Variants in SLC44A5 observed in about 807,000 individuals in gnomAD.
SLC44A5 encodes the protein choline transporter-like protein 5.
In SLC44A5, 57 loss-of-function variants were observed where a neutral mutation model predicts 101.8. The ratio of observed to expected loss-of-function variants is 0.56; its 90% CI spans 0.45 to 0.70. The LOEUF (loss-of-function observed/expected upper bound fraction) is 0.70. Among genes scored for constraint, SLC44A5 ranks in the 30% least tolerant of loss-of-function variants. The pLI is 0.00. For missense variants in SLC44A5, 737 were observed against 853.1 expected (o/e 0.86, Z 1.70); for synonymous variants, 281 against 290.9 (o/e 0.97, Z 0.35).
intron 5 of SLC44A5, among the ~76,000 whole-genome samples, chr1:75,285,313 T>C (rs1652950238): frequency 6.6e-6 from 1 of 152,122 alleles, no homozygotes; most frequent in Admixed American, 6.6e-5. Context: ...AAATAATCTT[T>C]TGTATTTCTG....
At chr1:75,461,115 A>T (rs1557808305) in intron 2 of SLC44A5, among the ~76,000 whole-genome samples, 1 of 152,192 alleles carries the variant, frequency 6.6e-6, no homozygotes, top group Non-Finnish European at 1.5e-5. Flanking sequence ...GTCATGCACC[A>T]TTTACAAGAA....
At chr1:75,421,100 G>A (rs1663977127) in intron 2 of SLC44A5, among the ~76,000 whole-genome samples, 1 of 151,960 alleles carries the variant, frequency 6.6e-6, no homozygotes, top group Non-Finnish European at 1.5e-5. Flanking sequence ...TTATAATATG[G>A]TCCACTTCAA....
chr1:75,218,031 T>A, intron 17 of SLC44A5, 71 bp from the exon 18 acceptor site: 1 of 1,026,012 alleles, frequency 9.7e-7, no homozygotes, highest in South Asian at 1.4e-5. Flanking sequence ...ATTGAATAAT[T>A]TTCACAAGTA....
intron 2 of SLC44A5, among the ~76,000 whole-genome samples, chr1:75,535,662 A>G (rs1042423954): frequency 6.6e-6 from 1 of 152,206 alleles, no homozygotes; most frequent in Non-Finnish European, 1.5e-5. Flanking sequence ...ACTTCTAGAA[A>G]GTAGACTAGT....
intron 2 of SLC44A5, among the ~76,000 whole-genome samples, chr1:75,523,666 G>C (rs532278503): frequency 1.3e-5 from 2 of 152,294 alleles, no homozygotes; most frequent in African/African-American, 4.8e-5. Flanking sequence ...AGACAAATAA[G>C]CTAGATGTGA....
the SLC44A5 span, among the ~76,000 whole-genome samples, chr1:75,679,093 C>T: frequency 3.9e-5 from 6 of 152,082 alleles, no homozygotes; most frequent in Non-Finnish European, 7.4e-5. Flanking sequence ...ACAAAGCCTC[C>T]AAGAAATATG....
intron 2 of SLC44A5, among the ~76,000 whole-genome samples, chr1:75,537,425 C>T (rs1014696271): frequency 3.9e-5 from 6 of 152,146 alleles, no homozygotes; most frequent in Middle Eastern, 3.2e-3. Context: ...TTTTGCTTAT[C>T]TGTCTTCTAG....
At chr1:75,493,965 C>A (rs1486921990) in intron 2 of SLC44A5, among the ~76,000 whole-genome samples, 1 of 152,168 alleles carries the variant, frequency 6.6e-6, no homozygotes, top group Non-Finnish European at 1.5e-5. Context: ...AATCTCTAGT[C>A]CTCTGGAAGC....
intron 5 of SLC44A5, among the ~76,000 whole-genome samples, chr1:75,295,001 G>T (rs1239813109): frequency 1.3e-5 from 2 of 152,076 alleles, no homozygotes; most frequent in African/African-American, 2.4e-5. Flanking sequence ...CTTGAAATTT[G>T]CTAAGAGAAT....
intron 1 of SLC44A5, among the ~76,000 whole-genome samples, chr1:75,609,565 G>A (rs1675531147): frequency 6.6e-6 from 1 of 151,874 alleles, no homozygotes; most frequent in South Asian, 2.1e-4. Flanking sequence ...TCTGATTTTT[G>A]GTTCGGTAGT....
At chr1:75,289,264 C>T (rs1337063505) in intron 5 of SLC44A5, among the ~76,000 whole-genome samples, 1 of 152,168 alleles carries the variant, frequency 6.6e-6, no homozygotes, top group Non-Finnish European at 1.5e-5. Context: ...TCTAAAATAC[C>T]TGTCAGAGAA....
At chr1:75,460,233 A>G (rs1156358824) in intron 2 of SLC44A5, among the ~76,000 whole-genome samples, 1 of 152,178 alleles carries the variant, frequency 6.6e-6, no homozygotes. Context: ...GAGAAGCCCT[A>G]TTTTAAAAGG....
intron 1 of SLC44A5, among the ~76,000 whole-genome samples, chr1:75,551,370 A>G (rs1339302336): frequency 6.6e-6 from 1 of 152,168 alleles, no homozygotes; most frequent in African/African-American, 2.4e-5. Flanking sequence ...CAATAACCGT[A>G]TGACAATTTT....
At chr1:75,611,260 C>T (rs1675644148), upstream of SLC44A5, 1 of 173,746 alleles carries the variant, frequency 5.8e-6, no homozygotes, top group African/African-American at 2.4e-5. Context: ...GGAGACTGAA[C>T]AAAGTCCTGG....
intron 4 of SLC44A5, among the ~76,000 whole-genome samples, chr1:75,323,640 A>G (rs1049810582): frequency 6.6e-6 from 1 of 152,222 alleles, no homozygotes; most frequent in Non-Finnish European, 1.5e-5. Flanking sequence ...CAACAAAAGT[A>G]TTAAATGATA....
intron 2 of SLC44A5, among the ~76,000 whole-genome samples, chr1:75,429,377 G>T (rs1203586513): frequency 6.6e-6 from 1 of 152,178 alleles, no homozygotes; most frequent in African/African-American, 2.4e-5. Flanking sequence ...TCCAGGGTCA[G>T]TATATCTGGA....
chr1:75,454,891 T>C (rs1399556108), intron 2 of SLC44A5, among the ~76,000 whole-genome samples: 1 of 151,996 alleles, frequency 6.6e-6, no homozygotes, highest in Non-Finnish European at 1.5e-5. Context: ...AGAGATATGA[T>C]GCAAAAACAT....
intron 3 of SLC44A5, among the ~76,000 whole-genome samples, chr1:75,350,057 A>C (rs1171874537): frequency 6.6e-6 from 1 of 152,088 alleles, no homozygotes; most frequent in Non-Finnish European, 1.5e-5. Context: ...GCCCTCCCAA[A>C]GTTTATATGT....
At chr1:75,536,392 G>C (rs1181336131) in intron 2 of SLC44A5, among the ~76,000 whole-genome samples, 1 of 151,736 alleles carries the variant, frequency 6.6e-6, no homozygotes, top group Admixed American at 6.6e-5. Context: ...GAGGTCAGGA[G>C]ATCGAGACCA....
Sources: allele counts gnomAD v4.1 joint callset (sites outside exome capture counted in the v4.1 genomes callset), GRCh38; gene constraint gnomAD v4.1.1; transcripts MANE v1.5; gene names NCBI Gene and HGNC (gene_info 2026-07-23, HGNC 2026-07-21).